Variants in NALF1 observed in about 807,000 individuals in gnomAD.
NALF1 encodes the protein family with sequence similarity 155 member A.
Under a neutral mutation model 48.4 loss-of-function variants are expected in NALF1, and 3 were observed. That is an observed-to-expected ratio of 0.06 (90% CI 0.03 to 0.16). The LOEUF (loss-of-function observed/expected upper bound fraction) is 0.16. Among genes scored for constraint, NALF1 ranks in the 10% least tolerant of loss-of-function variants. NALF1 has a pLI of 1.00. For synonymous variants in NALF1, 262 were observed against 245.7 expected, an observed-to-expected ratio of 1.07 and a Z score of -0.62; for missense variants, 526 against 571.5, an observed-to-expected ratio of 0.92 and a Z score of 0.81.
At chr13:107,406,782 G>A (rs553005297) in intron 1 of NALF1, among the ~76,000 whole-genome samples, 103 of 151,696 alleles carry the variant, frequency 6.8e-4, no homozygotes, top group African/African-American at 1.4e-3. Context: ...AAATGTATAC[G>A]AAATCACAAA....
intron 1 of NALF1, among the ~76,000 whole-genome samples, chr13:107,747,321 T>C (rs1876807336): frequency 6.6e-6 from 1 of 152,198 alleles, no homozygotes; most frequent in African/African-American, 2.4e-5. Context: ...AAGCCTGCCA[T>C]CTTGTACAAC....
chr13:107,258,259 T>C (rs1880860621), intron 1 of NALF1, among the ~76,000 whole-genome samples: 1 of 152,198 alleles, frequency 6.6e-6, no homozygotes, highest in Non-Finnish European at 1.5e-5. Flanking sequence ...ATGACATAAA[T>C]GTGGGCATTA....
rs533492003 is a variant in NALF1, at chr13:107,396,371, GT to G, written c.916-185617del. Among the ~76,000 whole-genome samples, 21 of 152,294 alleles carry G rather than the reference GT, an allele frequency of 1.4e-4. No homozygotes were observed. In the South Asian group the frequency reaches 4.3e-3, roughly 32 times the overall value. On this transcript the variant is annotated intron_variant, in intron 1 of 2. Transcript: ENST00000375915. Reference sequence around the variant, plus strand: ...TCTGCTAAGGCCAGCGCCACATCCAGTTCTGTAGAAGTGCAAGAGAGAACAT... The same window carrying G: ...TCTGCTAAGGCCAGCGCCACATCCAGTCTGTAGAAGTGCAAGAGAGAACAT...
At chr13:107,560,733 G>T (rs1877622172) in intron 1 of NALF1, among the ~76,000 whole-genome samples, 1 of 152,000 alleles carries the variant, frequency 6.6e-6, no homozygotes, top group Admixed American at 6.6e-5. Context: ...CTGGTCTACT[G>T]GTGTTCTGCC....
chr13:107,772,786 C>T (rs575778190), intron 1 of NALF1, among the ~76,000 whole-genome samples: 2 of 152,194 alleles, frequency 1.3e-5, no homozygotes, highest in Non-Finnish European at 2.9e-5. Flanking sequence ...GCTTAGGTTC[C>T]TATGTGAGAG....
rs535086668 is a variant in NALF1 at position 107,412,528 on chromosome 13, C to T, written c.916-201773G>A. 3.3e-5 allele frequency among the ~76,000 whole-genome samples: 5 copies of T among 150,786 alleles called. No homozygotes were observed. The South Asian group carries it at 1.1e-3, about 32-fold the overall frequency. ...GATTGCTGGATATACTATATACCATCTTCACCAGTACCACATGTTTTCATG... is the reference window on the plus strand; with the variant it reads ...GATTGCTGGATATACTATATACCATTTTCACCAGTACCACATGTTTTCATG... On this transcript the variant is annotated intron_variant, in intron 1 of 2. Coordinates refer to ENST00000375915, the MANE Select transcript of NALF1 (RefSeq NM_001080396.3).
chr13:107,446,405 T>TCACACACACACACACACA (rs34962012), intron 1 of NALF1, among the ~76,000 whole-genome samples: 8 of 145,990 alleles, frequency 5.5e-5, no homozygotes, highest in African/African-American at 1.8e-4. Flanking sequence ...ATAATTAAAT[T>TCACACACACACACACACA]CACACACACA....
At chr13:107,476,169 CAA>C (rs1290065827) in intron 1 of NALF1, among the ~76,000 whole-genome samples, 1 of 152,162 alleles carries the variant, frequency 6.6e-6, no homozygotes, top group Non-Finnish European at 1.5e-5. Context: ...CTTTGGATTA[CAA>C]AGAGTGTCCT....
At chr13:107,727,496 G>T (rs1235226746) in intron 1 of NALF1, among the ~76,000 whole-genome samples, 2 of 152,068 alleles carry the variant, frequency 1.3e-5, no homozygotes, top group Non-Finnish European at 2.9e-5. Flanking sequence ...AAGATAAAAG[G>T]CTTCCTTGAG....
Position 107,334,464 on chromosome 13 carries a change from ATCT to A in NALF1, c.916-123712_916-123710del, listed in dbSNP as rs376921253. Among the ~76,000 whole-genome samples, 40 of 152,200 alleles carry A rather than the reference ATCT, an allele frequency of 2.6e-4. No individual in the cohort carries two copies. In the East Asian group the frequency reaches 7.4e-3, roughly 28 times the overall value. On this transcript the variant is annotated intron_variant, in intron 1 of 2. Coordinates refer to ENST00000375915, the MANE Select transcript of NALF1 (RefSeq NM_001080396.3). ...CTGGCTCTCTAGAAGGATCCTTCAT[ATCT>A]TCTTTGATTTGCACATTCTTCCAGA...
intron 1 of NALF1, among the ~76,000 whole-genome samples, chr13:107,636,439 G>T (rs1879978622): frequency 6.6e-6 from 1 of 152,084 alleles, no homozygotes; most frequent in Non-Finnish European, 1.5e-5. Flanking sequence ...ATTGATTTGT[G>T]GGTGCCCCAT....
rs1271783000 is a variant in NALF1 at position 107,828,290 on chromosome 13, G to A, written c.915+37392C>T. Among the ~76,000 whole-genome samples the A allele has an allele frequency of 3.3e-5, 5 of 151,994 alleles. No individual in the cohort carries two copies. The East Asian group carries it at 7.7e-4, about 23-fold the overall frequency. ...ATCTGGCCCATATCCACGTTACTGC[G>A]TGTGGTTCTAATCTGCAGTGACTAC... On this transcript the variant is annotated intron_variant, in intron 1 of 2. Coordinates refer to ENST00000375915, the MANE Select transcript of NALF1 (RefSeq NM_001080396.3).
chr13:107,347,889 C>T (rs552710588), intron 1 of NALF1, among the ~76,000 whole-genome samples: 3 of 152,134 alleles, frequency 2.0e-5, no homozygotes, highest in Non-Finnish European at 2.9e-5. Flanking sequence ...GGTATCATGA[C>T]GCAAATCCTG....
At chr13:107,405,057 A>T (rs1883875788) in intron 1 of NALF1, among the ~76,000 whole-genome samples, 1 of 152,016 alleles carries the variant, frequency 6.6e-6, no homozygotes, top group Admixed American at 6.6e-5. Context: ...AATATATAGG[A>T]TCTGTGCACT....
intron 1 of NALF1, among the ~76,000 whole-genome samples, chr13:107,829,991 C>A (rs1879665513): frequency 6.6e-6 from 1 of 152,168 alleles, no homozygotes; most frequent in South Asian, 2.1e-4. Flanking sequence ...GCAACAGATG[C>A]CAACCCTAAC....
intron 1 of NALF1, among the ~76,000 whole-genome samples, chr13:107,630,177 C>T (rs578233215): frequency 5.2e-5 from 5 of 95,262 alleles, no homozygotes; most frequent in African/African-American, 1.1e-4. Context: ...AAATTTGCAA[C>T]CTCTGACATA....
intron 1 of NALF1, among the ~76,000 whole-genome samples, chr13:107,351,938 G>A (rs1461791486): frequency 1.3e-5 from 2 of 152,154 alleles, no homozygotes; most frequent in African/African-American, 4.8e-5. Context: ...AGTAAGATAG[G>A]CACTGATGCT....
At chr13:107,483,037 G>A (rs1038830595) in intron 1 of NALF1, among the ~76,000 whole-genome samples, 2 of 152,044 alleles carry the variant, frequency 1.3e-5, no homozygotes, top group Admixed American at 6.6e-5. Flanking sequence ...GGAGTTTTAC[G>A]TTTATTGGTG....
At chr13:107,490,742 T>G (rs1414382491) in intron 1 of NALF1, among the ~76,000 whole-genome samples, 1 of 152,104 alleles carries the variant, frequency 6.6e-6, no homozygotes, top group Non-Finnish European at 1.5e-5. Flanking sequence ...AATATCTGTA[T>G]AGTCGTCACA....
Sources: allele counts gnomAD v4.1 joint callset (sites outside exome capture counted in the v4.1 genomes callset), GRCh38; gene constraint gnomAD v4.1.1; transcripts MANE v1.5; gene names NCBI Gene and HGNC (gene_info 2026-07-23, HGNC 2026-07-21).